DPP6: variants seen among roughly 807,000 people sequenced by gnomAD.
The protein encoded by DPP6 is A-type potassium channel modulatory protein DPP6.
DPP6 carries 69 observed loss-of-function variants against 122.6 expected under a neutral mutation model. The observed-to-expected ratio is 0.56, with a 90% CI of 0.46 to 0.69. DPP6 has a LOEUF of 0.69. DPP6 is among the 30% of genes least tolerant of loss of function. The pLI, the probability that DPP6 is intolerant of heterozygous loss-of-function variation, is 0.00. For synonymous variants in DPP6, 418 were observed against 433.1 expected, an observed-to-expected ratio of 0.97 and a Z score of 0.43; for missense variants, 928 against 1,116.9, an observed-to-expected ratio of 0.83 and a Z score of 2.41.
chr7:154,548,709 G>A (rs1829403645), intron 4 of DPP6, among the ~76,000 whole-genome samples: 1 of 152,006 alleles, frequency 6.6e-6, no homozygotes, highest in Non-Finnish European at 1.5e-5. Context: ...CATGGTGGTG[G>A]GTGGATACAG....
intron 1 of DPP6, among the ~76,000 whole-genome samples, chr7:154,355,880 C>T (rs1811233624): frequency 6.6e-6 from 1 of 152,132 alleles, no homozygotes; most frequent in Non-Finnish European, 1.5e-5. Context: ...CATACTCACT[C>T]ACATAGTGGT....
chr7:154,195,926 G>A (rs993312615), intron 1 of DPP6, among the ~76,000 whole-genome samples: 1 of 152,152 alleles, frequency 6.6e-6, no homozygotes, highest in Non-Finnish European at 1.5e-5. Context: ...TGTGAGGGAT[G>A]TGGCTTTTCC....
chr7:154,250,799 G>A (rs1032999537), intron 1 of DPP6, among the ~76,000 whole-genome samples: 5 of 152,182 alleles, frequency 3.3e-5, no homozygotes, highest in Admixed American at 2.0e-4. Context: ...TGAAGGCATC[G>A]TGCTGGGGGT....
intron 1 of DPP6, among the ~76,000 whole-genome samples, chr7:153,939,932 T>C (rs1008124148): frequency 6.4e-4 from 98 of 152,242 alleles, no homozygotes; most frequent in African/African-American, 2.3e-3. Flanking sequence ...TAAGCTAAAG[T>C]CGAGAAACAT....
At chr7:154,238,736 T>C (rs1319993264) in intron 1 of DPP6, among the ~76,000 whole-genome samples, 1 of 152,232 alleles carries the variant, frequency 6.6e-6, no homozygotes, top group African/African-American at 2.4e-5. Flanking sequence ...TCAATATTTC[T>C]TTCTACATTT....
chr7:153,784,569 G>A, the DPP6 span, among the ~76,000 whole-genome samples: 2 of 152,178 alleles, frequency 1.3e-5, no homozygotes, highest in Non-Finnish European at 2.9e-5. Context: ...AATTTCAGGT[G>A]AAGATATGCC....
chr7:154,413,411 T>G (rs1435459158), intron 1 of DPP6, among the ~76,000 whole-genome samples: 1 of 152,230 alleles, frequency 6.6e-6, no homozygotes, highest in Non-Finnish European at 1.5e-5. Context: ...ATCAAAAGGC[T>G]GACATGCAAA....
At chr7:154,001,288 G>C (rs1039127026) in intron 1 of DPP6, among the ~76,000 whole-genome samples, 20 of 149,772 alleles carry the variant, frequency 1.3e-4, no homozygotes, top group African/African-American at 4.9e-4. Context: ...AGACTTGAAT[G>C]GTGGTGTGAA....
intron 2 of DPP6, among the ~76,000 whole-genome samples, chr7:154,474,730 C>T (rs1822574043): frequency 6.6e-6 from 1 of 152,142 alleles, no homozygotes; most frequent in East Asian, 1.9e-4. Context: ...AGGCGTGATG[C>T]CGTTCTACTG....
intron 1 of DPP6, among the ~76,000 whole-genome samples, chr7:154,153,143 A>G (rs1046459092): frequency 2.0e-5 from 3 of 152,256 alleles, no homozygotes; most frequent in Non-Finnish European, 4.4e-5. Flanking sequence ...AAAGCAAAGT[A>G]AGTGATCTCA....
At chr7:154,124,037 G>A (rs1294311509) in intron 1 of DPP6, among the ~76,000 whole-genome samples, 1 of 147,592 alleles carries the variant, frequency 6.8e-6, no homozygotes, top group Non-Finnish European at 1.5e-5. Context: ...TGCCGCCCAC[G>A]CACGGGGCTT....
intron 3 of DPP6, among the ~76,000 whole-genome samples, chr7:154,498,457 C>T (rs1364556329): frequency 6.6e-6 from 1 of 152,168 alleles, no homozygotes; most frequent in Admixed American, 6.5e-5. Context: ...TCTGCCTCAG[C>T]TTCCTGAGTA....
intron 1 of DPP6, among the ~76,000 whole-genome samples, chr7:154,045,364 C>T (rs1585222641): frequency 1.3e-5 from 2 of 152,180 alleles, no homozygotes; most frequent in Non-Finnish European, 2.9e-5. Context: ...ACCTTGGTGC[C>T]GTGAAGAAAA....
At chr7:154,448,927 A>G (rs1820121221) in intron 2 of DPP6, among the ~76,000 whole-genome samples, 1 of 152,228 alleles carries the variant, frequency 6.6e-6, no homozygotes, top group South Asian at 2.1e-4. Context: ...CTCAATGTGG[A>G]CCAAAGACCC....
At chr7:154,296,705 C>T (rs1423786869) in intron 1 of DPP6, among the ~76,000 whole-genome samples, 2 of 152,256 alleles carry the variant, frequency 1.3e-5, no homozygotes, top group Non-Finnish European at 2.9e-5. Context: ...GAAGGCCCCA[C>T]ATGATGCACC....
At chr7:153,849,038 G>T in the DPP6 span, among the ~76,000 whole-genome samples, 1 of 151,928 alleles carries the variant, frequency 6.6e-6, no homozygotes, top group African/African-American at 2.4e-5. Flanking sequence ...TATTTTTATT[G>T]TAAGTTCCCT....
At chr7:154,193,434 G>A (rs187447513) in intron 1 of DPP6, among the ~76,000 whole-genome samples, 11 of 152,310 alleles carry the variant, frequency 7.2e-5, no homozygotes, top group Admixed American at 4.6e-4. Context: ...AGTAAATAGA[G>A]GGGCACAGTT....
At chr7:154,262,646 A>G (rs577652731) in intron 1 of DPP6, among the ~76,000 whole-genome samples, 1 of 118,026 alleles carries the variant, frequency 8.5e-6, no homozygotes, top group East Asian at 2.4e-4. Flanking sequence ...GAAAGTGTCA[A>G]ATGAAGTTCA....
intron 5 of DPP6, among the ~76,000 whole-genome samples, chr7:154,626,017 G>A (rs970545574): frequency 2.6e-5 from 4 of 152,194 alleles, no homozygotes; most frequent in Non-Finnish European, 5.9e-5. Context: ...CCAGGCTGGT[G>A]TGAAGCTCGG....
Sources: gnomAD v4.1 joint callset for allele counts (sites outside exome capture counted in the v4.1 genomes callset) on GRCh38, gnomAD v4.1.1 for gene constraint, MANE v1.5 for transcripts, NCBI Gene and HGNC (gene_info 2026-07-23, HGNC 2026-07-21) for gene names.